Variants in KCNT2 observed in about 807,000 individuals in gnomAD.
KCNT2 encodes potassium channel subfamily T member 2.
In KCNT2, 67 loss-of-function variants were observed where a neutral mutation model predicts 153.8. That is an observed-to-expected ratio of 0.44 (90% CI 0.36 to 0.53). The LOEUF is 0.53. KCNT2 is among the 20% of genes least tolerant of loss of function. The pLI, the probability that KCNT2 is intolerant of heterozygous loss-of-function variation, is 0.00. For missense variants in KCNT2, 975 were observed against 1,354.8 expected (o/e 0.72, Z 4.40); for synonymous variants, 500 against 458.8 (o/e 1.09, Z -1.15).
At chr1:196,314,401 A>T (rs543263868) in intron 21 of KCNT2, among the ~76,000 whole-genome samples, 1 of 151,572 alleles carries the variant, frequency 6.6e-6, no homozygotes, top group Non-Finnish European at 1.5e-5. Context: ...GAGAAAAAAA[A>T]TTTATATATC....
chr1:196,258,028 A>G, intron 26 of KCNT2, 166 bp downstream of exon 26: 1 of 1,422,150 alleles, frequency 7.0e-7, no homozygotes, highest in Non-Finnish European at 9.2e-7. Flanking sequence ...ATTTTATCTT[A>G]TCATCATCAT....
intron 25 of KCNT2, among the ~76,000 whole-genome samples, chr1:196,268,189 C>T (rs994927365): frequency 6.6e-5 from 10 of 152,118 alleles, no homozygotes; most frequent in African/African-American, 1.4e-4. Flanking sequence ...GTCCAGCCAA[C>T]GGCAGAAACA....
At chr1:196,382,586 A>T (rs1669604798) in intron 13 of KCNT2, among the ~76,000 whole-genome samples, 1 of 152,102 alleles carries the variant, frequency 6.6e-6, no homozygotes, top group Non-Finnish European at 1.5e-5. Flanking sequence ...GAGGTTGCTG[A>T]TAGGGTATGA....
chr1:196,468,981 T>C lies in KCNT2; in HGVS notation c.459+13A>G. Reference sequence around the variant, plus strand: ...TTACAAAAGTGTTTTTTTAAGGTTCTTTTAGGACTTACTGAGATAATGAAG... The same window carrying C: ...TTACAAAAGTGTTTTTTTAAGGTTCCTTTAGGACTTACTGAGATAATGAAG... On this transcript the variant is annotated intron_variant, in intron 6 of 27. Coordinates refer to ENST00000294725, the MANE Select transcript of KCNT2 (RefSeq NM_198503.5). 6.5e-7 allele frequency: 1 copy of C among 1,547,016 alleles called. No individual in the cohort carries two copies. Among genetic ancestry groups the C allele is most frequent in the African/African-American group, 1.4e-5 (1 of 73,622 alleles).
intron 8 of KCNT2, among the ~76,000 whole-genome samples, chr1:196,451,217 C>CTTTTTTTTTT (rs561944079): frequency 3.1e-5 from 2 of 63,538 alleles, no homozygotes; most frequent in Admixed American, 2.7e-4. Flanking sequence ...ATCCCTCTTT[C>CTTTTTTTTTT]TTTTTTTTTT....
intron 25 of KCNT2, among the ~76,000 whole-genome samples, chr1:196,274,612 A>G (rs1193054571): frequency 6.6e-6 from 1 of 151,844 alleles, no homozygotes; most frequent in Non-Finnish European, 1.5e-5. Flanking sequence ...TTGTAATAGT[A>G]AAGTGTTAAT....
At chr1:196,262,288 C>A (rs1017852167) in intron 25 of KCNT2, among the ~76,000 whole-genome samples, 2 of 151,782 alleles carry the variant, frequency 1.3e-5, no homozygotes, top group Admixed American at 1.3e-4. Context: ...ATCTATAGAA[C>A]AATGTAGTAT....
chr1:196,582,654 A>G (rs1289518201), intron 1 of KCNT2, among the ~76,000 whole-genome samples: 2 of 152,048 alleles, frequency 1.3e-5, no homozygotes, highest in East Asian at 3.9e-4. Context: ...CACCCAAGAT[A>G]CAGCAGCATT....
At chr1:196,498,614 A>G (rs1486150861) in intron 1 of KCNT2, among the ~76,000 whole-genome samples, 1 of 152,174 alleles carries the variant, frequency 6.6e-6, no homozygotes, top group Non-Finnish European at 1.5e-5. Context: ...GAAAATGTAC[A>G]TCTGAATGGT....
At chr1:196,607,021 A>G (rs547406845) in intron 1 of KCNT2, among the ~76,000 whole-genome samples, 1 of 152,302 alleles carries the variant, frequency 6.6e-6, no homozygotes, top group African/African-American at 2.4e-5. Context: ...TCCTCTACAA[A>G]ACATCCATCT....
intron 1 of KCNT2, among the ~76,000 whole-genome samples, chr1:196,509,296 C>A (rs747718746): frequency 6.8e-6 from 1 of 146,010 alleles, no homozygotes; most frequent in Non-Finnish European, 1.5e-5. Flanking sequence ...TTCAAGGAAG[C>A]ACTGTTCATG....
chr1:196,560,305 C>T (rs896420999), intron 1 of KCNT2, among the ~76,000 whole-genome samples: 7 of 151,788 alleles, frequency 4.6e-5, no homozygotes, highest in Admixed American at 6.6e-5. Context: ...TTCACTCAAA[C>T]AATGTGGTAT....
chr1:196,362,876 G>A (rs1163354744), intron 14 of KCNT2, among the ~76,000 whole-genome samples: 1 of 152,026 alleles, frequency 6.6e-6, no homozygotes, highest in Non-Finnish European at 1.5e-5. Context: ...TTTATTGATT[G>A]TGGTTATCTT....
At chr1:196,543,524 C>T (rs1027601951) in intron 1 of KCNT2, among the ~76,000 whole-genome samples, 1 of 152,070 alleles carries the variant, frequency 6.6e-6, no homozygotes, top group South Asian at 2.1e-4. Context: ...AAAATAAGTC[C>T]AGACAAAACC....
At chr1:196,548,435 C>G (rs151250056) in intron 1 of KCNT2, among the ~76,000 whole-genome samples, 9 of 152,128 alleles carry the variant, frequency 5.9e-5, no homozygotes, top group African/African-American at 2.2e-4. Flanking sequence ...CAGAGAAATG[C>G]AAATCAAAAC....
At chr1:196,533,196 G>T in intron 1 of KCNT2, among the ~76,000 whole-genome samples, 1 of 152,136 alleles carries the variant, frequency 6.6e-6, no homozygotes, top group Middle Eastern at 3.4e-3. Context: ...TAAAGCACAG[G>T]CTTCCTAGTG....
intron 1 of KCNT2, among the ~76,000 whole-genome samples, chr1:196,549,683 C>A (rs575486226): frequency 1.3e-5 from 2 of 151,958 alleles, no homozygotes; most frequent in East Asian, 1.9e-4. Context: ...CAGCAAGTAA[C>A]CAAGGTGATT....
At chr1:196,248,605 C>A (rs910403979) in intron 26 of KCNT2, among the ~76,000 whole-genome samples, 1 of 152,008 alleles carries the variant, frequency 6.6e-6, no homozygotes, top group Non-Finnish European at 1.5e-5. Flanking sequence ...ATGAAGAAAT[C>A]CAAAACCTAA....
At chr1:196,314,135 T>C (rs1662469690) in intron 21 of KCNT2, among the ~76,000 whole-genome samples, 2 of 151,708 alleles carry the variant, frequency 1.3e-5, no homozygotes, top group South Asian at 4.1e-4. Context: ...ATTATTTCCT[T>C]GGAATCAAAA....
Sources: gnomAD v4.1 joint callset for allele counts (sites outside exome capture counted in the v4.1 genomes callset) on GRCh38, gnomAD v4.1.1 for gene constraint, MANE v1.5 for transcripts, NCBI Gene and HGNC (gene_info 2026-07-23, HGNC 2026-07-21) for gene names.